Variants in CDK17 observed in about 807,000 individuals in gnomAD.
CDK17 encodes the protein cyclin-dependent kinase 17.
In CDK17, 24 loss-of-function variants were observed where a neutral mutation model predicts 77.6. The ratio of observed to expected loss-of-function variants is 0.31; its 90% confidence interval spans 0.22 to 0.44. The LOEUF is 0.44. Among genes scored for constraint, CDK17 ranks in the 20% least tolerant of loss-of-function variants. The pLI is 1.00. For synonymous variants in CDK17, 203 were observed against 210.4 expected (o/e 0.96, Z 0.30); for missense variants, 429 against 622.5 (o/e 0.69, Z 3.31).
At chr12:96,372,871 A>T (rs1489963264) in intron 1 of CDK17, among the ~76,000 whole-genome samples, 1 of 152,238 alleles carries the variant, frequency 6.6e-6, no homozygotes, top group African/African-American at 2.4e-5. Context: ...AAGCATTTTA[A>T]AACAGTAATA....
intron 1 of CDK17, among the ~76,000 whole-genome samples, chr12:96,346,486 G>A (rs951405587): frequency 1.3e-5 from 2 of 151,596 alleles, no homozygotes; most frequent in Non-Finnish European, 2.9e-5. Context: ...AAATTAGCCA[G>A]GCGTAGTGGC....
chr12:96,307,481 A>C (rs1358318692), intron 5 of CDK17, among the ~76,000 whole-genome samples: 8 of 152,244 alleles, frequency 5.3e-5, no homozygotes, highest in Non-Finnish European at 1.0e-4. Context: ...TGGAACAAAT[A>C]CAACCTCAAA....
intron 3 of CDK17, among the ~76,000 whole-genome samples, chr12:96,313,698 G>T (rs550870240): frequency 6.6e-6 from 1 of 152,052 alleles, no homozygotes; most frequent in Non-Finnish European, 1.5e-5. Context: ...ATTATCAAGG[G>T]TTGAGTAATA....
chr12:96,325,501 G>A (rs1565820988), intron 2 of CDK17, among the ~76,000 whole-genome samples: 1 of 152,190 alleles, frequency 6.6e-6, no homozygotes, highest in Non-Finnish European at 1.5e-5. Flanking sequence ...ACCAGGGTAT[G>A]GGCTCCAGAG....
At chr12:96,388,236 C>G (rs983368851) in intron 1 of CDK17, among the ~76,000 whole-genome samples, 1 of 152,162 alleles carries the variant, frequency 6.6e-6, no homozygotes, top group African/African-American at 2.4e-5. Flanking sequence ...TGGAACAGAA[C>G]AGGGAAAATG....
intron 3 of CDK17, among the ~76,000 whole-genome samples, chr12:96,318,612 G>C (rs901724640): frequency 1.4e-5 from 2 of 146,070 alleles, no homozygotes; most frequent in African/African-American, 5.1e-5. Context: ...TCAGACCACA[G>C]TGCAATCAAA....
At chr12:96,344,798 GCTTTT>G (rs1953176343) in intron 1 of CDK17, among the ~76,000 whole-genome samples, 1 of 152,046 alleles carries the variant, frequency 6.6e-6, no homozygotes, top group East Asian at 1.9e-4. Flanking sequence ...TTAACTTTTT[GCTTTT>G]CTTGTTTTTT....
intron 2 of CDK17, among the ~76,000 whole-genome samples, chr12:96,327,816 C>T (rs1952911052): frequency 6.6e-6 from 1 of 152,138 alleles, no homozygotes; most frequent in Non-Finnish European, 1.5e-5. Flanking sequence ...TCCCAAAGCA[C>T]TGGGATTACA....
At chr12:96,317,222 A>G (rs1161125541) in intron 3 of CDK17, among the ~76,000 whole-genome samples, 4 of 150,692 alleles carry the variant, frequency 2.7e-5, no homozygotes, top group African/African-American at 4.9e-5. Flanking sequence ...CGAAGATGAA[A>G]TGAAGTGAGA....
Position 96,400,123 on chromosome 12 carries a change from G to T in CDK17, c.-167C>A, listed in dbSNP as rs896611444. 5.1e-6 allele frequency: 2 copies of T among 393,296 alleles called. No individual in the cohort carries two copies. The highest frequency in any genetic ancestry group is 9.0e-6 in the Non-Finnish European group (2 of 222,488). The allele number at this position is 393,296 out of a possible 1,614,324, so 24.4% of individuals were successfully genotyped here. A position where few individuals can be genotyped will look rare whatever the true frequency, so the allele number is the denominator to read the frequency against. On this transcript the variant is annotated 5_prime_UTR_variant, in exon 1 of 17. Coordinates refer to ENST00000261211, the MANE Select transcript of CDK17 (RefSeq NM_002595.5). Reference sequence around the variant, plus strand: ...AGACGTGAGGCGCTTCCGAGCGCAGGCCTCCGCCGCCACAGCCGCCTTCCG... The same window carrying T: ...AGACGTGAGGCGCTTCCGAGCGCAGTCCTCCGCCGCCACAGCCGCCTTCCG...
At chr12:96,396,188 G>A (rs1307081502) in intron 1 of CDK17, among the ~76,000 whole-genome samples, 3 of 152,184 alleles carry the variant, frequency 2.0e-5, no homozygotes, top group African/African-American at 7.2e-5. Context: ...CCAACAGGGA[G>A]AGGCAGACAG....
chr12:96,357,688 G>T (rs1221809876), intron 1 of CDK17, among the ~76,000 whole-genome samples: 2 of 152,052 alleles, frequency 1.3e-5, no homozygotes, highest in African/African-American at 2.4e-5. Flanking sequence ...TACACCTCTG[G>T]GTTGTACATG....
At chr12:96,361,701 TA>T (rs1953495031) in intron 1 of CDK17, among the ~76,000 whole-genome samples, 1 of 152,148 alleles carries the variant, frequency 6.6e-6, no homozygotes, top group South Asian at 2.1e-4. Context: ...CTGTCCTCTA[TA>T]ATAAAGGCAA....
At chr12:96,313,984 A>G (rs1952675865) in intron 3 of CDK17, among the ~76,000 whole-genome samples, 1 of 152,168 alleles carries the variant, frequency 6.6e-6, no homozygotes, top group Non-Finnish European at 1.5e-5. Context: ...TGCACCCCCA[A>G]TGTTAAAAAT....
At chr12:96,280,380 T>G in intron 16 of CDK17, 101 bp from the exon 17 acceptor site, 1 of 1,510,026 alleles carries the variant, frequency 6.6e-7, no homozygotes, top group Non-Finnish European at 8.9e-7. Context: ...CAGCAAAAGC[T>G]AATATTCCAT....
At chr12:96,370,314 C>T (rs545796308) in intron 1 of CDK17, among the ~76,000 whole-genome samples, 1 of 152,262 alleles carries the variant, frequency 6.6e-6, no homozygotes, top group Admixed American at 6.5e-5. Context: ...GGAAACATTC[C>T]AAAATGTGAA....
intron 1 of CDK17, among the ~76,000 whole-genome samples, chr12:96,341,030 C>A (rs1035782561): frequency 6.6e-6 from 1 of 152,094 alleles, no homozygotes; most frequent in African/African-American, 2.4e-5. Flanking sequence ...GTCTGTTGAT[C>A]CCCTCTTTGT....
At chr12:96,306,504 TA>T (rs909077339) in intron 5 of CDK17, among the ~76,000 whole-genome samples, 45 of 152,132 alleles carry the variant, frequency 3.0e-4, no homozygotes, top group African/African-American at 1.0e-3. Flanking sequence ...CATTTTACCT[TA>T]AAAAATATTT....
At chr12:96,364,706 T>G (rs1012526120) in intron 1 of CDK17, among the ~76,000 whole-genome samples, 1 of 152,354 alleles carries the variant, frequency 6.6e-6, no homozygotes, top group African/African-American at 2.4e-5. Context: ...AGGAAATCAC[T>G]TCCATAGGCT....
Sources: gnomAD v4.1 joint callset for allele counts (sites outside exome capture counted in the v4.1 genomes callset) on GRCh38, gnomAD v4.1.1 for gene constraint, MANE v1.5 for transcripts, NCBI Gene and HGNC (gene_info 2026-07-23, HGNC 2026-07-21) for gene names.